BEAN1: variants seen among roughly 807,000 people sequenced by gnomAD.
BEAN1 encodes brain expressed associated with NEDD4 1.
In BEAN1, 17 loss-of-function variants were observed where a neutral mutation model predicts 17.7. That is an observed-to-expected ratio of 0.96 (90% CI 0.66 to 1.44). The LOEUF (loss-of-function observed/expected upper bound fraction) is 1.44. BEAN1 is among the 40% of genes most tolerant of loss of function. The probability of loss-of-function intolerance (pLI) is 0.00; values close to 1 mark genes in which losing one functional copy is unlikely to be tolerated. For synonymous variants in BEAN1, 142 were observed against 151.8 expected (o/e 0.94, Z 0.47); for missense variants, 359 against 374.1 (o/e 0.96, Z 0.33).
At chr16:66,438,203 G>A (rs890503669) in intron 2 of BEAN1, among the ~76,000 whole-genome samples, 23 of 152,176 alleles carry the variant, frequency 1.5e-4, no homozygotes, top group Non-Finnish European at 2.8e-4. Flanking sequence ...GGCCAACATG[G>A]TGAAACCCCG....
chr16:66,479,097 A>T (rs149496605), intron 4 of BEAN1: 27 of 152,254 alleles, frequency 1.8e-4, no homozygotes, highest in African/African-American at 6.5e-4. Flanking sequence ...TTTGTTTATG[A>T]AATAAGGACA....
At chr16:66,493,309 C>T in exon 5 of BEAN1, 1 of 700,034 alleles carries the variant, frequency 1.4e-6, no homozygotes, top group Non-Finnish European at 2.6e-6. Flanking sequence ...AGCAAGGTCC[C>T]TCAGAAGGGG....
chr16:66,457,069 G>A (rs1962896515), intron 2 of BEAN1, among the ~76,000 whole-genome samples: 1 of 152,220 alleles, frequency 6.6e-6, no homozygotes, highest in Non-Finnish European at 1.5e-5. Context: ...AGGGAACAGT[G>A]CCAGGGCAGC....
At position 66,478,606 on chromosome 16, in the gene BEAN1, AAAT is replaced by A. The variant is rs549998896; in HGVS notation, c.440+905_440+907del. On this transcript the variant is annotated intron_variant, in intron 4 of 4. Coordinates refer to ENST00000536005, the MANE Select transcript of BEAN1 (RefSeq NM_001178020.3). ...GACAGAGTGAGACTTCGTCTCAAAAAAATAATAATAAAATAATAATAATAATAT... is the reference window on the plus strand; with the variant it reads ...GACAGAGTGAGACTTCGTCTCAAAAAAATAATAAAATAATAATAATAATAT... Among the ~76,000 whole-genome samples, 7 of 152,268 alleles carry A rather than the reference AAAT, an allele frequency of 4.6e-5. No individual in the cohort carries two copies. In the South Asian group the frequency reaches 6.2e-4, roughly 14 times the overall value.
chr16:66,445,990 C>A (rs1962439275), intron 2 of BEAN1, among the ~76,000 whole-genome samples: 1 of 152,126 alleles, frequency 6.6e-6, no homozygotes, highest in South Asian at 2.1e-4. Flanking sequence ...CAAGACCAGC[C>A]TGGCCAACAT....
chr16:66,493,794 C>T (rs1964211371), downstream of BEAN1, among the ~76,000 whole-genome samples: 1 of 152,244 alleles, frequency 6.6e-6, no homozygotes, highest in Non-Finnish European at 1.5e-5. Context: ...ATAGACGCCG[C>T]ACCTCCCAGC....
intron 3 of BEAN1, among the ~76,000 whole-genome samples, chr16:66,474,627 AGGGAGGGAGGG>A (rs1963653547): frequency 3.1e-5 from 1 of 31,926 alleles, no homozygotes; most frequent in African/African-American, 1.3e-4. Flanking sequence ...GAAGGGAGGG[AGGGAGGGAGGG>A]AGGGAGGGAG....
At chr16:66,476,764 C>T (rs1446740624) in intron 3 of BEAN1, among the ~76,000 whole-genome samples, 1 of 152,202 alleles carries the variant, frequency 6.6e-6, no homozygotes, top group Non-Finnish European at 1.5e-5. Flanking sequence ...ATTTCCTAAA[C>T]AGTGTTACTA....
At chr16:66,468,013 A>T (rs1963319713) in intron 2 of BEAN1, among the ~76,000 whole-genome samples, 1 of 152,214 alleles carries the variant, frequency 6.6e-6, no homozygotes, top group Admixed American at 6.5e-5. Context: ...AGGAGAAACG[A>T]TCACAGCTGA....
chr16:66,454,404 G>C (rs1018157348), intron 2 of BEAN1, among the ~76,000 whole-genome samples: 1 of 152,050 alleles, frequency 6.6e-6, no homozygotes, highest in Non-Finnish European at 1.5e-5. Context: ...TGTTTTGGGG[G>C]ACTTGTTAAG....
chr16:66,470,103 G>A, intron 3 of BEAN1: 1 of 623,084 alleles, frequency 1.6e-6, no homozygotes. Context: ...GTCAGAGGGA[G>A]AGTGTGTCAC....
chr16:66,446,050 G>A (rs1354773235), intron 2 of BEAN1, among the ~76,000 whole-genome samples: 1 of 152,108 alleles, frequency 6.6e-6, no homozygotes, highest in Non-Finnish European at 1.5e-5. Context: ...AGGTGTGGTG[G>A]GGCACGCCTG....
At chr16:66,451,448 A>G (rs974467653) in intron 2 of BEAN1, 1 of 152,188 alleles carries the variant, frequency 6.6e-6, no homozygotes, top group Non-Finnish European at 1.5e-5. Flanking sequence ...TTATTTTAAT[A>G]TAGTCCAATG....
chr16:66,488,848 A>G (rs1393901613), intron 4 of BEAN1, among the ~76,000 whole-genome samples: 1 of 152,286 alleles, frequency 6.6e-6, no homozygotes, highest in South Asian at 2.1e-4. Flanking sequence ...GCCCAGTGAG[A>G]CTGATTTTGG....
At position 66,481,052 on chromosome 16, in the gene BEAN1, A is replaced by AATGC; in HGVS notation, c.*127_*128insATGC. 6 of 723,872 alleles carry AATGC rather than the reference A, an allele frequency of 8.3e-6. No homozygotes were observed. Among genetic ancestry groups the AATGC allele is most frequent in the South Asian group, 4.9e-5 (2 of 40,572 alleles). The allele number at this position is 723,872 out of a possible 1,614,324, so 44.8% of individuals were successfully genotyped here. A position where few individuals can be genotyped will look rare whatever the true frequency, so the allele number is the denominator to read the frequency against. ...TAACACACACATAGACCAAACTTGT[A>AATGC]TACACACAGACATCTACACTGACAT... On this transcript the variant is annotated 3_prime_UTR_variant, in exon 5 of 5. Coordinates refer to ENST00000536005, the MANE Select transcript of BEAN1 (RefSeq NM_001178020.3). The surrounding 1 kb of genome is among the most constrained non-coding windows in gnomAD (Gnocchi z 4.1).
intron 2 of BEAN1, among the ~76,000 whole-genome samples, chr16:66,465,919 G>A (rs1326523679): frequency 1.3e-5 from 2 of 152,146 alleles, no homozygotes; most frequent in Admixed American, 1.3e-4. Flanking sequence ...TCTTATTTCT[G>A]TAAGGTCTGT....
At chr16:66,488,268 G>C (rs1352915431) in intron 4 of BEAN1, among the ~76,000 whole-genome samples, 3 of 152,116 alleles carry the variant, frequency 2.0e-5, no homozygotes, top group Admixed American at 2.0e-4. Flanking sequence ...TGGAATTTTA[G>C]CTATTAACAA....
intron 2 of BEAN1, among the ~76,000 whole-genome samples, chr16:66,468,183 A>G (rs1963327986): frequency 6.6e-6 from 1 of 152,146 alleles, no homozygotes; most frequent in African/African-American, 2.4e-5. Flanking sequence ...CCATTTCCCC[A>G]TCTGGTCTCA....
At chr16:66,492,993 G>T (rs780158769) in exon 5 of BEAN1, 3 of 702,964 alleles carry the variant, frequency 4.3e-6, no homozygotes, top group African/African-American at 1.7e-5. Context: ...TACTGGGTGC[G>T]ATCTATGCTT....
Sources: gnomAD v4.1 joint callset for allele counts (sites outside exome capture counted in the v4.1 genomes callset) on GRCh38, gnomAD v4.1.1 for gene constraint, Gnocchi (gnomAD v3.1) non-coding constraint, MANE v1.5 for transcripts, NCBI Gene and HGNC (gene_info 2026-07-23, HGNC 2026-07-21) for gene names.